SMG6: variants seen among roughly 807,000 people sequenced by gnomAD.
SMG6 encodes SMG6 nonsense mediated mRNA decay factor.
Under a neutral mutation model 142.2 loss-of-function variants are expected in SMG6, and 66 were observed. That is an observed-to-expected ratio of 0.46 (90% CI 0.38 to 0.57). The LOEUF is 0.57. Among genes scored for constraint, SMG6 ranks in the 20% least tolerant of loss-of-function variants. SMG6 has a pLI of 0.00. For synonymous variants in SMG6, 779 were observed against 702.4 expected (o/e 1.11, Z -1.72); for missense variants, 1,793 against 1,832.0 (o/e 0.98, Z 0.39).
intron 15 of SMG6, among the ~76,000 whole-genome samples, chr17:2,076,420 G>T (rs576999641): frequency 6.6e-6 from 1 of 152,242 alleles, no homozygotes; most frequent in African/African-American, 2.4e-5. Flanking sequence ...CCTTTTCCTT[G>T]GATTTTCCCC....
chr17:2,194,881 A>G (rs901289142), intron 10 of SMG6, among the ~76,000 whole-genome samples: 1 of 152,144 alleles, frequency 6.6e-6, no homozygotes, highest in Non-Finnish European at 1.5e-5. Flanking sequence ...ACAAGATCCA[A>G]GTAAGGGGGA....
At chr17:2,168,374 G>A (rs747036122) in intron 13 of SMG6, among the ~76,000 whole-genome samples, 15 of 151,846 alleles carry the variant, frequency 9.9e-5, no homozygotes, top group Non-Finnish European at 1.5e-4. Flanking sequence ...GTAGAGACGG[G>A]ATTTCACTAT....
intron 8 of SMG6, among the ~76,000 whole-genome samples, chr17:2,277,727 T>C (rs2074693416): frequency 6.6e-6 from 1 of 152,196 alleles, no homozygotes; most frequent in African/African-American, 2.4e-5. Context: ...TTGTTATACA[T>C]AGTACTATCC....
intron 10 of SMG6, among the ~76,000 whole-genome samples, chr17:2,198,950 T>TAAAAAAAAAAAA (rs55660022): frequency 2.6e-4 from 27 of 102,122 alleles, no homozygotes; most frequent in African/African-American, 6.6e-4. Context: ...AAAATAAAAT[T>TAAAAAAAAAAAA]AAAAAAAAAA....
intron 13 of SMG6, among the ~76,000 whole-genome samples, chr17:2,103,000 G>C (rs549374735): frequency 1.3e-5 from 2 of 152,312 alleles, no homozygotes; most frequent in African/African-American, 4.8e-5. Flanking sequence ...GTACTCCATT[G>C]TGTGTATGTC....
chr17:2,201,880 C>T (rs978298270), intron 10 of SMG6, among the ~76,000 whole-genome samples: 8 of 151,432 alleles, frequency 5.3e-5, no homozygotes, highest in African/African-American at 9.7e-5. Context: ...AAAAATCAGC[C>T]GGGCATGGTG....
In SMG6 at chr17:2,186,541, GAAGA is replaced by G. The variant is rs137959217; in HGVS notation, c.3155+118_3155+121del. ...GGTATTCAAAAAAAGTTCAAATAAA[GAAGA>G]AATAGAGAGGCAGGCAGGCTGTGGG... On this transcript the variant is annotated intron_variant, in intron 12 of 18. Transcript: ENST00000263073. 2.4e-3 allele frequency: 2,795 copies of G among 1,162,310 alleles called. 54 individuals are homozygous for G. The African/African-American group carries it at 0.039, about 16-fold the overall frequency. 72.0% of individuals were successfully genotyped at this position (1,162,310 alleles called of 1,614,324 possible).
In SMG6 at chr17:2,128,846, A is replaced by G. The variant is rs577921653; in HGVS notation, c.3358-42945T>C. On this transcript the variant is annotated intron_variant, in intron 13 of 18. Coordinates refer to ENST00000263073, the MANE Select transcript of SMG6 (RefSeq NM_017575.5). ...AAAAAAAAAAAAAAGAGAGAGAGAG[A>G]AAGAAAGAAAGAAAGAGGAAGACAA... 4.8e-3 allele frequency among the ~76,000 whole-genome samples: 725 copies of G among 151,216 alleles called. 4 individuals carry two copies. Among genetic ancestry groups the G allele is most frequent in the Non-Finnish European group, 8.2e-3 (553 of 67,756 alleles).
chr17:2,256,976 T>G lies in SMG6; in HGVS notation c.2662-12257A>C, dbSNP rs148139503. Among the ~76,000 whole-genome samples, 1,297 of 148,462 alleles carry G rather than the reference T, an allele frequency of 8.7e-3. 19 individuals carry two copies. Among genetic ancestry groups the G allele is most frequent in the African/African-American group, 0.028 (1,156 of 41,136 alleles). The stretch of plus-strand genomic sequence containing the variant: ...GGTATGTATGTATGTATGTATGTAT[T>G]TATTTATTTATTATTTTGAGACGGA... On this transcript the variant is annotated intron_variant, in intron 8 of 18. Transcript: ENST00000263073.
At chr17:2,221,033 C>T (rs4061159) in intron 10 of SMG6, among the ~76,000 whole-genome samples, 148,038 of 152,338 alleles carry the variant, frequency 0.97, 71,985 homozygotes, top group East Asian at 1. Flanking sequence ...TATTTCTAGT[C>T]AGGAAGAAAG....
chr17:2,070,682 A>C (rs2068075719), intron 15 of SMG6, among the ~76,000 whole-genome samples: 1 of 152,220 alleles, frequency 6.6e-6, no homozygotes. Context: ...CACAGCTGGT[A>C]AAGGCACAGG....
intron 8 of SMG6, chr17:2,280,542 C>T (rs1597776526): frequency 1.0e-5 from 10 of 967,180 alleles, no homozygotes; most frequent in African/African-American, 1.8e-5. Flanking sequence ...GGATTACAGG[C>T]GTAAGCCACC....
intron 13 of SMG6, among the ~76,000 whole-genome samples, chr17:2,164,389 C>T (rs559338033): frequency 2.7e-4 from 41 of 152,222 alleles, no homozygotes; most frequent in African/African-American, 9.6e-4. Flanking sequence ...TGCTACTGCA[C>T]TCCAGCCTGG....
Position 2,283,648 on chromosome 17 carries a change from A to G in SMG6, c.2425T>C (p.Leu809=), listed in dbSNP as rs1191128800. ...ACCTTCCGCTTGGTCTCTTCAAACA[A>G]GCTCATGAGACTCTCCTTGGCAGTC... ...ILTAKESLMS[L]FEETKRKAEQ... Residue 809 remains leucine, a synonymous_variant, in exon 7 of 19, where the codon TTG becomes CTG. Coordinates refer to ENST00000263073, the MANE Select transcript of SMG6 (RefSeq NM_017575.5). The G allele has an allele frequency of 1.9e-6, 3 of 1,614,094 alleles. No homozygotes were observed. Among genetic ancestry groups the G allele is most frequent in the Non-Finnish European group, 2.5e-6 (3 of 1,179,988 alleles).
intron 13 of SMG6, among the ~76,000 whole-genome samples, chr17:2,149,668 G>A (rs1243618564): frequency 6.6e-6 from 1 of 152,180 alleles, no homozygotes; most frequent in African/African-American, 2.4e-5. Flanking sequence ...GCCAAATATT[G>A]TCCTCAGCTC....
chr17:2,079,213 C>T (rs1412401300), intron 15 of SMG6, among the ~76,000 whole-genome samples: 1 of 152,214 alleles, frequency 6.6e-6, no homozygotes, highest in Non-Finnish European at 1.5e-5. Flanking sequence ...ATCCACCCAC[C>T]GTGGCCTCCC....
At chr17:2,242,021 G>A (rs981774425) in intron 9 of SMG6, among the ~76,000 whole-genome samples, 2 of 152,140 alleles carry the variant, frequency 1.3e-5, no homozygotes, top group Admixed American at 6.5e-5. Flanking sequence ...ATGCTGCCAA[G>A]TATCCTACAA....
chr17:2,063,708 A>G (rs1179114683), intron 18 of SMG6, among the ~76,000 whole-genome samples: 2 of 152,236 alleles, frequency 1.3e-5, no homozygotes, highest in South Asian at 2.1e-4. Flanking sequence ...ACTGGCTTTC[A>G]GCCTGGGGAG....
chr17:2,188,906 G>A (rs903162), intron 10 of SMG6, among the ~76,000 whole-genome samples: 56,253 of 151,962 alleles, frequency 0.37, 11,037 homozygotes, highest in African/African-American at 0.5. Flanking sequence ...ACAGTCATCA[G>A]TTAAGATTGG....
Sources: allele counts gnomAD v4.1 joint callset (sites outside exome capture counted in the v4.1 genomes callset), GRCh38; gene constraint gnomAD v4.1.1; transcripts MANE v1.5; gene names NCBI Gene and HGNC (gene_info 2026-07-23, HGNC 2026-07-21).